Variants in TRIM5 observed in about 807,000 individuals in gnomAD.
TRIM5 encodes tripartite motif containing 5.
TRIM5 carries 31 observed loss-of-function variants against 35.6 expected under a neutral mutation model. That is an observed-to-expected ratio of 0.87 (90% CI 0.65 to 1.18). The LOEUF (loss-of-function observed/expected upper bound fraction) is 1.18. Ranked by LOEUF, TRIM5 falls within the 50% of genes most tolerant of loss-of-function variation. TRIM5 has a pLI of 0.00. For missense variants in TRIM5, 609 were observed against 591.6 expected (o/e 1.03, Z -0.31); for synonymous variants, 243 against 215.6 (o/e 1.13, Z -1.11).
chr11:5,636,715 T>C, the TRIM5 span, among the ~76,000 whole-genome samples: 3 of 152,194 alleles, frequency 2.0e-5, no homozygotes, highest in African/African-American at 7.2e-5. Flanking sequence ...AAAATATTGG[T>C]AGATCAAAAA....
At chr11:5,618,238 C>A in the TRIM5 span, among the ~76,000 whole-genome samples, 1 of 152,078 alleles carries the variant, frequency 6.6e-6, no homozygotes, top group South Asian at 2.1e-4. Flanking sequence ...GGCATGGTGG[C>A]CCGCGCCTGT....
Position 5,679,456 on chromosome 11 carries a change from C to T in TRIM5, c.418-287G>A, listed in dbSNP as rs941780704. On this transcript the variant is annotated intron_variant, in intron 2 of 7. Coordinates refer to ENST00000380034, the MANE Select transcript of TRIM5 (RefSeq NM_033034.3). Reference sequence around the variant, plus strand: ...AGGAAAAAACTTACATCTCAACCCACTCCTGTTACTCTCCTGCTGAAAGGG... The same window carrying T: ...AGGAAAAAACTTACATCTCAACCCATTCCTGTTACTCTCCTGCTGAAAGGG... 5.9e-5 allele frequency among the ~76,000 whole-genome samples: 9 copies of T among 152,242 alleles called. No individual in the cohort carries two copies. In the South Asian group the frequency reaches 1.5e-3, roughly 25 times the overall value.
chr11:5,613,825 G>A, the TRIM5 span, among the ~76,000 whole-genome samples: 3 of 152,270 alleles, frequency 2.0e-5, no homozygotes, highest in South Asian at 2.1e-4. Context: ...TGCTAGAGCC[G>A]ATATTTAAGT....
chr11:5,644,329 G>A, the TRIM5 span: 11 of 398,352 alleles, frequency 2.8e-5, no homozygotes, highest in Non-Finnish European at 4.9e-5. Flanking sequence ...AAAACTAAGT[G>A]TCTCTAAATG....
intron 4 of TRIM5, among the ~76,000 whole-genome samples, chr11:5,673,677 A>T (rs1851733663): frequency 6.6e-6 from 1 of 152,176 alleles, no homozygotes; most frequent in Non-Finnish European, 1.5e-5. Context: ...GTTCCATACC[A>T]TAAGATAAGT....
chr11:5,593,252 TC>T, the TRIM5 span, among the ~76,000 whole-genome samples: 1 of 152,246 alleles, frequency 6.6e-6, no homozygotes, highest in African/African-American at 2.4e-5. Context: ...TGATTCTTAA[TC>T]TTAGCCTTGC....
intron 6 of TRIM5, 95 bp from the exon 7 acceptor site, chr11:5,665,777 C>T (rs1851085271): frequency 6.8e-7 from 1 of 1,466,168 alleles, no homozygotes; most frequent in Admixed American, 2.6e-5. Flanking sequence ...TAGGTATGCC[C>T]TATGGTAGGG....
At chr11:5,659,012 G>A (rs77338970), downstream of TRIM5, among the ~76,000 whole-genome samples, 1,246 of 152,216 alleles carry the variant, frequency 8.2e-3, 12 homozygotes, top group African/African-American at 0.026. Flanking sequence ...TAGGGTGGGC[G>A]CCTGGGGGAG....
chr11:5,626,308 C>T, the TRIM5 span, among the ~76,000 whole-genome samples: 1 of 152,180 alleles, frequency 6.6e-6, no homozygotes, highest in Non-Finnish European at 1.5e-5. Context: ...GATCATAGAC[C>T]ATATCGATGA....
rs60840031 is a variant in TRIM5 at position 5,682,294 on chromosome 11, T to C, written c.-61-2056A>G. Among the ~76,000 whole-genome samples the C allele has an allele frequency of 4.3e-3, 651 of 152,168 alleles. 7 individuals are homozygous for C. Among genetic ancestry groups the C allele is most frequent in the Middle Eastern group, 0.017 (5 of 294 alleles). ...GACAGGTGCCTGTAATCCCAGCTACTTGGGTATTCTTTCCACATGCTTCTC... is the reference window on the plus strand; with the variant it reads ...GACAGGTGCCTGTAATCCCAGCTACCTGGGTATTCTTTCCACATGCTTCTC... On this transcript the variant is annotated intron_variant, in intron 1 of 7. Transcript: ENST00000380034.
the TRIM5 span, among the ~76,000 whole-genome samples, chr11:5,609,897 T>A: frequency 6.6e-6 from 1 of 152,166 alleles, no homozygotes; most frequent in East Asian, 1.9e-4. Context: ...CACTCCAGCC[T>A]GGGTGACAGA....
chr11:5,644,892 C>T, the TRIM5 span, among the ~76,000 whole-genome samples: 59 of 152,184 alleles, frequency 3.9e-4, no homozygotes, highest in African/African-American at 8.7e-4. Context: ...TCGCACCATC[C>T]CCATGGTAAT....
At chr11:5,669,360 G>A (rs1210147317) in intron 4 of TRIM5, among the ~76,000 whole-genome samples, 3 of 152,182 alleles carry the variant, frequency 2.0e-5, no homozygotes, top group Non-Finnish European at 4.4e-5. Flanking sequence ...GATTACAGGC[G>A]TGAGCCACCG....
At chr11:5,665,847 T>C (rs1590224723) in intron 6 of TRIM5, 134 bp downstream of exon 6, 1 of 1,316,926 alleles carries the variant, frequency 7.6e-7, no homozygotes, top group Non-Finnish European at 1.0e-6. Flanking sequence ...TTAAATATAA[T>C]CCCATCAGCA....
chr11:5,623,275 T>C, the TRIM5 span, among the ~76,000 whole-genome samples: 1 of 152,146 alleles, frequency 6.6e-6, no homozygotes, highest in Admixed American at 6.5e-5. Flanking sequence ...GTTACCAATA[T>C]TGAAATAAGG....
chr11:5,629,877 T>C, the TRIM5 span, among the ~76,000 whole-genome samples: 2 of 152,158 alleles, frequency 1.3e-5, no homozygotes, highest in Non-Finnish European at 2.9e-5. Context: ...CTGGCTAATT[T>C]TTGTATTTTT....
the TRIM5 span, among the ~76,000 whole-genome samples, chr11:5,601,356 G>C: frequency 6.6e-6 from 1 of 152,206 alleles, no homozygotes; most frequent in Admixed American, 6.5e-5. Context: ...TCTTATTAAA[G>C]AATGGAGAAT....
the TRIM5 span, among the ~76,000 whole-genome samples, chr11:5,594,273 C>G: frequency 6.6e-6 from 1 of 152,138 alleles, no homozygotes; most frequent in Non-Finnish European, 1.5e-5. Flanking sequence ...AGGAAAAATT[C>G]TGCACACTGA....
At chr11:5,626,324 A>G in the TRIM5 span, among the ~76,000 whole-genome samples, 1 of 152,264 alleles carries the variant, frequency 6.6e-6, no homozygotes, top group Non-Finnish European at 1.5e-5. Flanking sequence ...GATGAATGTT[A>G]GAGTACACAA....
Sources: allele counts gnomAD v4.1 joint callset (sites outside exome capture counted in the v4.1 genomes callset), GRCh38; gene constraint gnomAD v4.1.1; transcripts MANE v1.5; gene names NCBI Gene and HGNC (gene_info 2026-07-23, HGNC 2026-07-21).